ANK3: variants seen among roughly 807,000 people sequenced by gnomAD.
The protein encoded by ANK3 is ankyrin-3.
In ANK3, 57 loss-of-function variants were observed where a neutral mutation model predicts 370.9. The observed-to-expected ratio is 0.15, with a 90% CI of 0.12 to 0.19. The LOEUF is 0.19. ANK3 is among the 10% of genes least tolerant of loss of function. The pLI, the probability that ANK3 is intolerant of heterozygous loss-of-function variation, is 1.00. For synonymous variants in ANK3, 1,929 were observed against 1,946.3 expected (o/e 0.99, Z 0.23); for missense variants, 4,439 against 5,302.1 (o/e 0.84, Z 5.06).
At chr10:60,546,425 T>A (rs2076966628) in intron 2 of ANK3, among the ~76,000 whole-genome samples, 1 of 152,216 alleles carries the variant, frequency 6.6e-6, no homozygotes, top group Non-Finnish European at 1.5e-5. Flanking sequence ...TCCATTTTTA[T>A]CCTTCTGAAA....
chr10:60,639,243 G>T (rs1449964671), intron 1 of ANK3, among the ~76,000 whole-genome samples: 1 of 150,136 alleles, frequency 6.7e-6, no homozygotes, highest in Non-Finnish European at 1.5e-5. Flanking sequence ...TGAAAGAAGA[G>T]AATTATATAG....
intron 1 of ANK3, among the ~76,000 whole-genome samples, chr10:60,687,512 T>G (rs1398213491): frequency 2.7e-5 from 4 of 147,104 alleles, no homozygotes; most frequent in Non-Finnish European, 6.0e-5. Flanking sequence ...CCGCCTCACA[T>G]GCATTAGGCT....
At chr10:60,204,680 GC>G (rs1433466764) in intron 11 of ANK3, among the ~76,000 whole-genome samples, 3 of 152,052 alleles carry the variant, frequency 2.0e-5, no homozygotes, top group Non-Finnish European at 2.9e-5. Flanking sequence ...CTGTGTATGG[GC>G]CAGACAGTGT....
chr10:60,506,296 T>C (rs564584221), intron 2 of ANK3, among the ~76,000 whole-genome samples: 3 of 152,224 alleles, frequency 2.0e-5, no homozygotes, highest in Admixed American at 1.3e-4. Flanking sequence ...TAAAGGACTA[T>C]GCAAATGACA....
At chr10:60,233,462 T>G (rs765359312) in intron 8 of ANK3, among the ~76,000 whole-genome samples, 1 of 152,204 alleles carries the variant, frequency 6.6e-6, no homozygotes, top group Non-Finnish European at 1.5e-5. Flanking sequence ...TGTTTTGTTT[T>G]AGAGACAGGG....
chr10:60,686,279 T>G (rs753856379), intron 1 of ANK3, among the ~76,000 whole-genome samples: 2 of 152,248 alleles, frequency 1.3e-5, no homozygotes, highest in Non-Finnish European at 1.5e-5. Context: ...ACTAAATATA[T>G]TAAAAGTTGT....
At chr10:60,672,294 T>A (rs1258978329) in intron 1 of ANK3, among the ~76,000 whole-genome samples, 1 of 152,152 alleles carries the variant, frequency 6.6e-6, no homozygotes, top group Non-Finnish European at 1.5e-5. Context: ...TAGGAACATC[T>A]TCTGTTCTAA....
chr10:60,339,814 T>C (rs761292345), intron 1 of ANK3, among the ~76,000 whole-genome samples: 1 of 152,192 alleles, frequency 6.6e-6, no homozygotes, highest in Admixed American at 6.5e-5. Flanking sequence ...ACAGCAGCAG[T>C]AGCGGTACTA....
At chr10:60,387,248 T>C (rs1343964493) in intron 1 of ANK3, among the ~76,000 whole-genome samples, 1 of 152,140 alleles carries the variant, frequency 6.6e-6, no homozygotes, top group East Asian at 1.9e-4. Context: ...AGAAGCAGCA[T>C]TTTTTATTGA....
chr10:60,563,014 T>C (rs1164869501), intron 2 of ANK3, among the ~76,000 whole-genome samples: 2 of 152,242 alleles, frequency 1.3e-5, no homozygotes, highest in Admixed American at 1.3e-4. Context: ...TTATTTATTA[T>C]AAACTCATCA....
At chr10:60,364,220 G>T (rs1395584174) in intron 1 of ANK3, among the ~76,000 whole-genome samples, 1 of 151,294 alleles carries the variant, frequency 6.6e-6, no homozygotes, top group Non-Finnish European at 1.5e-5. Context: ...CTTGAACCTC[G>T]GAGGCAGAGG....
At chr10:60,727,953 G>A (rs950538037) in intron 1 of ANK3, among the ~76,000 whole-genome samples, 7 of 151,982 alleles carry the variant, frequency 4.6e-5, no homozygotes, top group African/African-American at 1.4e-4. Context: ...AAAATAAACC[G>A]TTCATCCAAC....
intron 2 of ANK3, among the ~76,000 whole-genome samples, chr10:60,536,521 T>C (rs977398193): frequency 1.3e-5 from 2 of 152,096 alleles, no homozygotes; most frequent in African/African-American, 4.8e-5. Flanking sequence ...AGAGTATGTT[T>C]CTAAAATAGT....
intron 23 of ANK3, among the ~76,000 whole-genome samples, chr10:60,157,492 G>A (rs1419367362): frequency 2.0e-5 from 3 of 151,984 alleles, no homozygotes; most frequent in African/African-American, 4.8e-5. Context: ...ATGCCACCAT[G>A]GCCAGCTAAT....
intron 2 of ANK3, among the ~76,000 whole-genome samples, chr10:60,423,548 C>T (rs1190297163): frequency 6.6e-6 from 1 of 151,850 alleles, no homozygotes; most frequent in African/African-American, 2.4e-5. Flanking sequence ...ATTGCAATAA[C>T]CTTCAGGCTG....
At chr10:60,699,535 C>A (rs1240149919) in intron 1 of ANK3, among the ~76,000 whole-genome samples, 1 of 151,952 alleles carries the variant, frequency 6.6e-6, no homozygotes, top group Admixed American at 6.6e-5. Context: ...TAAAAAAATT[C>A]TTAGCACTTA....
chr10:60,568,662 C>T (rs2077518343), intron 2 of ANK3, among the ~76,000 whole-genome samples: 1 of 152,204 alleles, frequency 6.6e-6, no homozygotes, highest in South Asian at 2.1e-4. Flanking sequence ...ATTTATTAAG[C>T]ACACCTAAGT....
chr10:60,151,383 G>A (rs2132249803), intron 23 of ANK3, among the ~76,000 whole-genome samples: 1 of 152,276 alleles, frequency 6.6e-6, no homozygotes, highest in Non-Finnish European at 1.5e-5. Flanking sequence ...TAGTTACCGT[G>A]AGATGTGATG....
At chr10:60,043,675 A>C (rs1237869822) in intron 42 of ANK3, 1 of 985,336 alleles carries the variant, frequency 1.0e-6, no homozygotes, top group Non-Finnish European at 1.2e-6. Context: ...TTGCCATTCT[A>C]ACTTTTAAAG....
Sources: gnomAD v4.1 joint callset for allele counts (sites outside exome capture counted in the v4.1 genomes callset) on GRCh38, gnomAD v4.1.1 for gene constraint, MANE v1.5 for transcripts, NCBI Gene and HGNC (gene_info 2026-07-23, HGNC 2026-07-21) for gene names.